The following MED20 variants were observed in gnomAD, a reference collection of about 807,000 sequenced individuals.
MED20 encodes the protein mediator of RNA polymerase II transcription subunit 20.
MED20 carries 19 observed loss-of-function variants against 19.7 expected under a neutral mutation model. That is an observed-to-expected ratio of 0.96 (90% CI 0.67 to 1.42). The LOEUF is 1.42. Among genes scored for constraint, MED20 ranks in the 40% most tolerant of loss-of-function variants. The pLI, the probability that MED20 is intolerant of heterozygous loss-of-function variation, is 0.00. For missense variants in MED20, 225 were observed against 273.0 expected (o/e 0.82, Z 1.24); for synonymous variants, 105 against 104.8 (o/e 1.00, Z -0.01).
Position 41,907,015 on chromosome 6 carries a change from C to A in MED20, c.*57G>T. On this transcript the variant is annotated 3_prime_UTR_variant, in exon 4 of 4. Coordinates refer to ENST00000265350, the MANE Select transcript of MED20 (RefSeq NM_004275.5). ...GGGTCCAGGGACCTGAAAGTCAGCA[C>A]CTGCTCCTCCTGTGGAGTACCCCTG... is the stretch of plus-strand genomic sequence containing the variant. The A allele has an allele frequency of 6.5e-7, 1 of 1,539,892 alleles. No individual in the cohort carries two copies. The highest frequency in any genetic ancestry group is 8.9e-7 in the Non-Finnish European group (1 of 1,119,940).
At chr6:41,916,016 G>A (rs1775307374) in intron 2 of MED20, among the ~76,000 whole-genome samples, 1 of 152,024 alleles carries the variant, frequency 6.6e-6, no homozygotes, top group Admixed American at 6.6e-5. Context: ...GGAAGCTGAG[G>A]CCAGATAATC....
At chr6:41,918,175 G>A (rs1475202383) in intron 1 of MED20, among the ~76,000 whole-genome samples, 1 of 152,202 alleles carries the variant, frequency 6.6e-6, no homozygotes, top group Non-Finnish European at 1.5e-5. Context: ...CCTCACGATA[G>A]TCCTATGAAG....
At chr6:41,916,641 C>A in intron 2 of MED20, 144 bp downstream of exon 2, 2 of 975,394 alleles carry the variant, frequency 2.1e-6, no homozygotes, top group Non-Finnish European at 3.0e-6. Flanking sequence ...GATAAAGAAC[C>A]AAGAATTAAT....
At chr6:41,915,825 T>C (rs1049942302) in intron 2 of MED20, among the ~76,000 whole-genome samples, 5 of 116,734 alleles carry the variant, frequency 4.3e-5, no homozygotes, top group African/African-American at 1.9e-4. Flanking sequence ...TACAAAGAAA[T>C]TTTGGGTTGT....
chr6:41,921,108 A>C lies in MED20; in HGVS notation c.-90T>G. The C allele has an allele frequency of 6.5e-6, 10 of 1,526,936 alleles. No individual in the cohort carries two copies. Among genetic ancestry groups the C allele is most frequent in the South Asian group, 2.3e-5 (2 of 86,320 alleles). The allele number at this position is 1,526,936 out of a possible 1,614,324, so 94.6% of individuals were successfully genotyped here. ...GAAACTCCTTCAGTTCCCCAACACA[A>C]CCTTCTGTCTCAGAAGGGACTCCGG... On this transcript the variant is annotated 5_prime_UTR_variant, in exon 1 of 4. Coordinates refer to ENST00000265350, the MANE Select transcript of MED20 (RefSeq NM_004275.5).
chr6:41,912,352 C>CTTT (rs70987544), intron 2 of MED20, among the ~76,000 whole-genome samples: 2 of 87,624 alleles, frequency 2.3e-5, no homozygotes, highest in Non-Finnish European at 2.1e-5. Context: ...GACCATAGTA[C>CTTT]TTTTTTTTTT....
rs1436843149 is a variant in MED20, at chr6:41,921,092, T to C, written c.-74A>G. On this transcript the variant is annotated 5_prime_UTR_variant, in exon 1 of 4. Coordinates refer to ENST00000265350, the MANE Select transcript of MED20 (RefSeq NM_004275.5). ...TCCCTGTCCGCCCACAGAAACTCCT[T>C]CAGTTCCCCAACACAACCTTCTGTC... is the stretch of plus-strand genomic sequence containing the variant. 3.2e-6 allele frequency: 5 copies of C among 1,582,174 alleles called. No homozygotes were observed. The highest frequency in any genetic ancestry group is 4.6e-5 in the East Asian group (2 of 43,264).
intron 2 of MED20, 143 bp downstream of exon 2, chr6:41,916,642 A>C (rs903983529): frequency 1.6e-5 from 16 of 989,738 alleles, no homozygotes; most frequent in Non-Finnish European, 3.0e-6. Flanking sequence ...ATAAAGAACC[A>C]AGAATTAATG....
chr6:41,920,773 A>AC, intron 1 of MED20: 2 of 477,680 alleles, frequency 4.2e-6, no homozygotes, highest in South Asian at 7.3e-5. Flanking sequence ...CCGTCTTAAA[A>AC]AAAACAAAAC....
chr6:41,908,941 G>T (rs953145238), intron 3 of MED20: 6 of 374,766 alleles, frequency 1.6e-5, no homozygotes, highest in Middle Eastern at 6.8e-4. Flanking sequence ...CCAGCACTTT[G>T]GGGGGCTGAG....
At chr6:41,912,270 G>C (rs1419246650) in intron 2 of MED20, among the ~76,000 whole-genome samples, 1 of 140,484 alleles carries the variant, frequency 7.1e-6, no homozygotes, top group Non-Finnish European at 1.5e-5. Flanking sequence ...CAAACTCCTA[G>C]GCTCAAGCAA....
At chr6:41,916,258 T>TGAATA (rs1775312378) in intron 2 of MED20, among the ~76,000 whole-genome samples, 1 of 148,228 alleles carries the variant, frequency 6.7e-6, no homozygotes, top group Non-Finnish European at 1.5e-5. Context: ...CTCAAAAAAA[T>TGAATA]AAATAAAATA....
At chr6:41,916,982 C>T (rs773328304) in intron 1 of MED20, 43 bp from the exon 2 acceptor site, 15 of 1,608,810 alleles carry the variant, frequency 9.3e-6, no homozygotes, top group African/African-American at 5.3e-5. Context: ...CAGAGACACA[C>T]GTGTGCTCAC....
chr6:41,918,195 T>C (rs1447212542), intron 1 of MED20, among the ~76,000 whole-genome samples: 2 of 152,136 alleles, frequency 1.3e-5, no homozygotes, highest in African/African-American at 2.4e-5. Context: ...GGTGTGTTAT[T>C]TATCAACTTG....
intron 2 of MED20, among the ~76,000 whole-genome samples, chr6:41,914,339 G>A (rs2127378509): frequency 6.6e-6 from 1 of 152,286 alleles, no homozygotes; most frequent in South Asian, 2.1e-4. Flanking sequence ...ATCTTCTCTG[G>A]TGCCTCTCAA....
chr6:41,920,399 T>C (rs1315920815), intron 1 of MED20, among the ~76,000 whole-genome samples: 3 of 152,188 alleles, frequency 2.0e-5, no homozygotes, highest in Non-Finnish European at 4.4e-5. Flanking sequence ...TGATTGCTTA[T>C]GGCCCACTCC....
chr6:41,919,441 G>A (rs1775402998), intron 1 of MED20, among the ~76,000 whole-genome samples: 1 of 152,210 alleles, frequency 6.6e-6, no homozygotes, highest in African/African-American at 2.4e-5. Flanking sequence ...TTAAGGTAGA[G>A]TCCTTCTGTT....
In MED20 at chr6:41,909,338, C is replaced by T; in HGVS notation, c.354G>A (p.Gln118=). Residue 118 remains glutamine, a synonymous_variant, in exon 3 of 4, where the codon CAG becomes CAA. Coordinates refer to ENST00000265350, the MANE Select transcript of MED20 (RefSeq NM_004275.5). The part of the protein sequence containing the change: ...SKIETRGTRY[Q]YCDFLVKVGT... ...CCACCTTCACCAGGAAGTCACAGTA[C>T]TGGTACCTGGTGCCCCGGGTCTCAA... 2 of 1,614,178 alleles carry T rather than the reference C, an allele frequency of 1.2e-6. No homozygotes were observed. The highest frequency in any genetic ancestry group is 1.7e-6 in the Non-Finnish European group (2 of 1,180,038).
intron 3 of MED20, among the ~76,000 whole-genome samples, chr6:41,908,031 A>T (rs1775100468): frequency 6.6e-6 from 1 of 152,182 alleles, no homozygotes; most frequent in African/African-American, 2.4e-5. Context: ...GAGGTTGCTG[A>T]GCAGAAACTA....
Sources: gnomAD v4.1 joint callset for allele counts (sites outside exome capture counted in the v4.1 genomes callset) on GRCh38, gnomAD v4.1.1 for gene constraint, MANE v1.5 for transcripts, NCBI Gene and HGNC (gene_info 2026-07-23, HGNC 2026-07-21) for gene names.